Variants in ACSL3 observed in about 807,000 individuals in gnomAD.
ACSL3 encodes the protein fatty acid CoA ligase Acsl3.
A neutral mutation model predicts 84.7 loss-of-function variants in ACSL3; 34 were observed. The ratio of observed to expected loss-of-function variants is 0.40; its 90% CI spans 0.31 to 0.53. The LOEUF (loss-of-function observed/expected upper bound fraction) is 0.53. ACSL3 is among the 20% of genes least tolerant of loss of function. ACSL3 has a pLI of 0.48. For synonymous variants in ACSL3, 315 were observed against 299.4 expected, an observed-to-expected ratio of 1.05 and a Z score of -0.54; for missense variants, 680 against 873.1, an observed-to-expected ratio of 0.78 and a Z score of 2.79.
In ACSL3 at chr2:222,942,760, A is replaced by T. The variant is rs894831523; in HGVS notation, c.*1106A>T. On this transcript the variant is annotated 3_prime_UTR_variant, in exon 17 of 17. Coordinates refer to ENST00000357430, the MANE Select transcript of ACSL3 (RefSeq NM_004457.5). ...TCCCATAACCTTTGTACACTAAAAA[A>T]TGAAAGAATTTAGAATGTATTTGAT... The T allele has an allele frequency of 4.6e-6, 1 of 216,228 alleles. No individual in the cohort carries two copies. The highest frequency in any genetic ancestry group is 2.2e-5 in the African/African-American group (1 of 44,542). 13.4% of individuals were successfully genotyped at this position (216,228 alleles called of 1,614,324 possible).
At position 222,942,662 on chromosome 2, in the gene ACSL3, C is replaced by G. The variant is rs4674730; in HGVS notation, c.*1008C>G. The stretch of plus-strand genomic sequence containing the variant: ...TTTCATTTTAAAATTAGTGTTTTTC[C>G]TAGTTTGCACTGATGCGTGTATGGA... On this transcript the variant is annotated 3_prime_UTR_variant, in exon 17 of 17. Coordinates refer to ENST00000357430, the MANE Select transcript of ACSL3 (RefSeq NM_004457.5). The G allele has an allele frequency of 4.8e-6, 1 of 207,688 alleles. No individual in the cohort carries two copies. Among genetic ancestry groups the G allele is most frequent in the Non-Finnish European group, 9.8e-6 (1 of 102,096 alleles). The allele number at this position is 207,688 out of a possible 1,614,324, so 12.9% of individuals were successfully genotyped here.
rs1193821824 is a variant in ACSL3 at position 222,943,456 on chromosome 2, A to T, written c.*1802A>T. 5.7e-6 allele frequency: 1 copy of T among 174,108 alleles called. No homozygotes were observed. Among genetic ancestry groups the T allele is most frequent in the Non-Finnish European group, 1.2e-5 (1 of 80,712 alleles). 10.8% of individuals were successfully genotyped at this position (174,108 alleles called of 1,614,324 possible). A position where few individuals can be genotyped will look rare whatever the true frequency, so the allele number is the denominator to read the frequency against. On this transcript the variant is annotated 3_prime_UTR_variant, in exon 17 of 17. Coordinates refer to ENST00000357430, the MANE Select transcript of ACSL3 (RefSeq NM_004457.5). Reference sequence around the variant, plus strand: ...ATAATTGTTTGCTTTCAGATGATTAAAAAAAGGAGATTGTATCTAGGAAAA... The same window carrying T: ...ATAATTGTTTGCTTTCAGATGATTATAAAAAGGAGATTGTATCTAGGAAAA...
chr2:222,883,441 C>G (rs1281564716), intron 1 of ACSL3, among the ~76,000 whole-genome samples: 1 of 152,126 alleles, frequency 6.6e-6, no homozygotes, highest in Non-Finnish European at 1.5e-5. Flanking sequence ...CCTCGGCCTC[C>G]CAAAGTGCTG....
chr2:222,930,557 A>AC (rs1697002399), intron 13 of ACSL3, 64 bp from the exon 14 acceptor site: 1 of 1,305,012 alleles, frequency 7.7e-7, no homozygotes, highest in African/African-American at 1.5e-5. Context: ...TTTAGAAACT[A>AC]GTAGTTTCAA....
chr2:222,909,196 C>T, intron 4 of ACSL3, 46 bp downstream of exon 4: 1 of 1,552,456 alleles, frequency 6.4e-7, no homozygotes, highest in Middle Eastern at 2.3e-4. Context: ...AATAAAATAT[C>T]CTGTTAGAAA....
At chr2:222,879,874 A>G (rs1454539571) in intron 1 of ACSL3, among the ~76,000 whole-genome samples, 1 of 152,160 alleles carries the variant, frequency 6.6e-6, no homozygotes, top group Non-Finnish European at 1.5e-5. Flanking sequence ...TTTCAGAATC[A>G]GAATAAAGAC....
At chr2:222,881,662 A>G (rs572792823) in intron 1 of ACSL3, among the ~76,000 whole-genome samples, 1 of 152,248 alleles carries the variant, frequency 6.6e-6, no homozygotes, top group East Asian at 1.9e-4. Context: ...GATTACAGGC[A>G]TGCGCCACCA....
chr2:222,892,783 C>G (rs533477025), intron 2 of ACSL3, among the ~76,000 whole-genome samples: 7 of 152,162 alleles, frequency 4.6e-5, no homozygotes, highest in Admixed American at 3.3e-4. Context: ...TACCTGCTAG[C>G]TGTAAGTGCC....
chr2:222,907,091 T>C (rs1421665186), intron 3 of ACSL3, among the ~76,000 whole-genome samples: 2 of 152,182 alleles, frequency 1.3e-5, no homozygotes, highest in African/African-American at 4.8e-5. Context: ...CTTGATTTTC[T>C]TATAGTTATA....
intron 1 of ACSL3, among the ~76,000 whole-genome samples, chr2:222,870,661 G>A (rs1487325675): frequency 2.0e-5 from 3 of 152,186 alleles, no homozygotes; most frequent in Non-Finnish European, 2.9e-5. Flanking sequence ...GGACATTCCA[G>A]GTAGAGCTAA....
intron 12 of ACSL3, among the ~76,000 whole-genome samples, chr2:222,928,025 C>T (rs1288087101): frequency 2.6e-5 from 4 of 152,126 alleles, no homozygotes; most frequent in South Asian, 4.2e-4. Flanking sequence ...TCCTTAATTT[C>T]TTCTATTTTT....
rs375798968 is a variant in ACSL3 at position 222,868,965 on chromosome 2, G to A, written c.-207+7707G>A. 8.0e-4 allele frequency among the ~76,000 whole-genome samples: 112 copies of A among 140,850 alleles called. 1 individual carries two copies. In the East Asian group the frequency reaches 0.013, roughly 16 times the overall value. The allele number at this position is 140,850 out of a possible 152,430, so 92.4% of individuals were successfully genotyped here. On this transcript the variant is annotated intron_variant, in intron 1 of 16. Coordinates refer to ENST00000357430, the MANE Select transcript of ACSL3 (RefSeq NM_004457.5). ...AGCCTGGGCAACAGAGGGAGACGCT[G>A]TCTCAAAAAAAAAAAAAAAATTAGG...
chr2:222,871,660 A>G lies in ACSL3; in HGVS notation c.-207+10402A>G, dbSNP rs371872833. Among the ~76,000 whole-genome samples the G allele has an allele frequency of 4.5e-4, 68 of 152,278 alleles. 1 individual carries two copies. The highest frequency in any genetic ancestry group is 6.8e-3 in the Middle Eastern group (2 of 292). ...AGCTCTAGGATAGCAAGTGCTCGGG[A>G]GTCCTCCAGGAAGGACATGGTTGTC... On this transcript the variant is annotated intron_variant, in intron 1 of 16. Transcript: ENST00000357430.
intron 14 of ACSL3, among the ~76,000 whole-genome samples, chr2:222,932,016 C>CAG (rs1426400243): frequency 2.0e-5 from 3 of 152,168 alleles, no homozygotes; most frequent in African/African-American, 7.2e-5. Context: ...GTATGAGCAA[C>CAG]AGAGTGAGAC....
chr2:222,931,674 C>G (rs1438419159), intron 14 of ACSL3, among the ~76,000 whole-genome samples: 1 of 152,176 alleles, frequency 6.6e-6, no homozygotes, highest in African/African-American at 2.4e-5. Flanking sequence ...CACCCTCTCA[C>G]TGCCACCATG....
chr2:222,930,033 A>G (rs929847111), intron 13 of ACSL3, among the ~76,000 whole-genome samples: 4 of 144,544 alleles, frequency 2.8e-5, no homozygotes, highest in Non-Finnish European at 4.5e-5. Flanking sequence ...GGTTCAAGTG[A>G]TTCTCCTGCC....
chr2:222,892,363 G>T (rs1695862463), intron 2 of ACSL3, among the ~76,000 whole-genome samples: 1 of 152,010 alleles, frequency 6.6e-6, no homozygotes, highest in African/African-American at 2.4e-5. Flanking sequence ...TTTTTATTAT[G>T]TGTTTAGCTT....
chr2:222,932,106 C>T (rs541916864), intron 14 of ACSL3, among the ~76,000 whole-genome samples: 1 of 152,188 alleles, frequency 6.6e-6, no homozygotes, highest in African/African-American at 2.4e-5. Flanking sequence ...TCCAAATCCC[C>T]AGGTTGGAGA....
At chr2:222,925,115 T>A (rs1454659175) in intron 11 of ACSL3, among the ~76,000 whole-genome samples, 1 of 151,626 alleles carries the variant, frequency 6.6e-6, no homozygotes, top group Non-Finnish European at 1.5e-5. Context: ...GGCGGGCAGA[T>A]CACCTGAGGT....
Sources: allele counts gnomAD v4.1 joint callset (sites outside exome capture counted in the v4.1 genomes callset), GRCh38; gene constraint gnomAD v4.1.1; transcripts MANE v1.5; gene names NCBI Gene and HGNC (gene_info 2026-07-23, HGNC 2026-07-21).